The following DNMBP variants were observed in gnomAD, a reference collection of about 807,000 sequenced individuals.
DNMBP encodes the protein dynamin-binding protein.
Under a neutral mutation model 150.0 loss-of-function variants are expected in DNMBP, and 87 were observed. That is an observed-to-expected ratio of 0.58 (90% confidence interval 0.49 to 0.69). The LOEUF (loss-of-function observed/expected upper bound fraction) is 0.69. DNMBP is among the 30% of genes least tolerant of loss of function. The pLI is 0.00. For synonymous variants in DNMBP, 711 were observed against 750.4 expected, an observed-to-expected ratio of 0.95 and a Z score of 0.86; for missense variants, 1,774 against 1,949.0, an observed-to-expected ratio of 0.91 and a Z score of 1.69.
rs574001905 is a variant in DNMBP, at chr10:99,932,564, C to A, written c.2260+22650G>T. Reference sequence around the variant, plus strand: ...TGCATAAAGCACATAGTTCCCCTGGCATTTAGAGACAGCCCAAAAGGAGTC... The same window carrying A: ...TGCATAAAGCACATAGTTCCCCTGGAATTTAGAGACAGCCCAAAAGGAGTC... On this transcript the variant is annotated intron_variant, in intron 4 of 16. Transcript: ENST00000324109. Among the ~76,000 whole-genome samples the A allele has an allele frequency of 1.5e-3, 225 of 151,268 alleles. 1 individual carries two copies. The highest frequency in any genetic ancestry group is 2.8e-3 in the Non-Finnish European group (189 of 67,846).
chr10:99,928,674 G>A (rs1056565948), intron 4 of DNMBP, among the ~76,000 whole-genome samples: 1 of 152,202 alleles, frequency 6.6e-6, no homozygotes, highest in South Asian at 2.1e-4. Context: ...TCAGTGAGAT[G>A]AAGTGATTTG....
At position 99,947,231 on chromosome 10, in the gene DNMBP, G is replaced by C. The variant is rs566633690; in HGVS notation, c.2260+7983C>G. On this transcript the variant is annotated intron_variant, in intron 4 of 16. Transcript: ENST00000324109. Reference sequence around the variant, plus strand: ...CCCAGTATTGGGTATATGCCCAAAGGAAAATTCTTCTACCAAAAACACACC... The same window carrying C: ...CCCAGTATTGGGTATATGCCCAAAGCAAAATTCTTCTACCAAAAACACACC... Among the ~76,000 whole-genome samples, 152 of 152,198 alleles carry C rather than the reference G, an allele frequency of 1.0e-3. 1 individual carries two copies. The highest frequency in any genetic ancestry group is 1.1e-3 in the Non-Finnish European group (73 of 68,004).
intron 9 of DNMBP, 49 bp downstream of exon 9, chr10:99,898,037 A>C: frequency 6.6e-7 from 1 of 1,513,460 alleles, no homozygotes; most frequent in Non-Finnish European, 9.2e-7. Flanking sequence ...TGAGAAGAAA[A>C]GCATTCTCAA....
chr10:99,885,331 A>G (rs1168918035), intron 14 of DNMBP, among the ~76,000 whole-genome samples: 1 of 152,168 alleles, frequency 6.6e-6, no homozygotes. Flanking sequence ...CAACATGGTA[A>G]AACCCCATCT....
At chr10:100,001,102 G>C (rs571016862) in intron 1 of DNMBP, among the ~76,000 whole-genome samples, 1 of 150,200 alleles carries the variant, frequency 6.7e-6, no homozygotes, top group African/African-American at 2.4e-5. Context: ...GTGGTGGTGC[G>C]TGCCTGTAAT....
Position 99,879,881 on chromosome 10 carries a change from C to T in DNMBP, c.4478G>A (p.Cys1493Tyr). The change falls in exon 16 of 17, where the codon TGT becomes TAT. Residue 1493 changes from cysteine (C) to tyrosine (Y), a missense_variant. By Grantham distance (194) the Cys-to-Tyr change is radical. Transcript: ENST00000324109. ...NGQSQDLVKG[C>Y]ARTAQAPEDR... is the part of the protein sequence containing the mutation. ...TTCCGGAGCCTGGGCTGTTCTTGCA[C>T]ATCCTTTGACGAGGTCTTGACTTTG... 2 of 1,614,252 alleles carry T rather than the reference C, an allele frequency of 1.2e-6. No individual in the cohort carries two copies. The highest frequency in any genetic ancestry group is 1.7e-6 in the Non-Finnish European group (2 of 1,180,054).
At chr10:99,910,947 T>G (rs117707626) in intron 4 of DNMBP, among the ~76,000 whole-genome samples, 1,827 of 152,216 alleles carry the variant, frequency 0.012, 12 homozygotes, top group Non-Finnish European at 0.02. Flanking sequence ...AGTCAGCAAA[T>G]CACCATTTTA....
intron 4 of DNMBP, among the ~76,000 whole-genome samples, chr10:99,922,310 A>G (rs2133268108): frequency 6.6e-6 from 1 of 152,196 alleles, no homozygotes; most frequent in Admixed American, 6.5e-5. Context: ...CCTCAGGTCC[A>G]TATGAAAGAA....
chr10:100,001,167 G>A (rs2041006398), intron 1 of DNMBP, among the ~76,000 whole-genome samples: 1 of 138,608 alleles, frequency 7.2e-6, no homozygotes, highest in Admixed American at 7.4e-5. Context: ...GGAGGTGGAG[G>A]TTGCAGTGAG....
intron 1 of DNMBP, among the ~76,000 whole-genome samples, chr10:99,985,964 TG>T (rs780652938): frequency 3.3e-5 from 5 of 152,156 alleles, no homozygotes; most frequent in Non-Finnish European, 5.9e-5. Context: ...TTGGCCAGGC[TG>T]GTCTCAAACT....
In DNMBP at chr10:99,879,913, T is replaced by C; in HGVS notation, c.4446A>G (p.Arg1482=). ...PEIVGYSVPG[R]NGQSQDLVKG... ...TGACGAGGTCTTGACTTTGCCCATT[T>C]CGTCCTGGTACGGAGTAGCCAACTA... is the stretch of plus-strand genomic sequence containing the variant. The change falls in exon 16 of 17, where the codon CGA becomes CGG. Residue 1482 remains arginine, a synonymous_variant. Transcript: ENST00000324109. 6.2e-7 allele frequency: 1 copy of C among 1,614,270 alleles called. No individual in the cohort carries two copies.
intron 1 of DNMBP, among the ~76,000 whole-genome samples, chr10:99,991,345 G>A (rs1217788307): frequency 1.3e-5 from 2 of 151,778 alleles, no homozygotes; most frequent in Admixed American, 6.6e-5. Context: ...CCAAAGTGCT[G>A]GGATTACAGG....
chr10:99,889,124 T>TA (rs1447718499), intron 11 of DNMBP, 171 bp from the exon 12 acceptor site: 1 of 686,634 alleles, frequency 1.5e-6, no homozygotes, highest in Non-Finnish European at 2.3e-6. Context: ...AACTATGACT[T>TA]ACGGGGCACA....
At chr10:99,950,005 T>C (rs914637601) in intron 4 of DNMBP, among the ~76,000 whole-genome samples, 1 of 152,176 alleles carries the variant, frequency 6.6e-6, no homozygotes, top group Non-Finnish European at 1.5e-5. Flanking sequence ...CACCTATATA[T>C]TTGACATGGT....
chr10:99,944,525 G>T (rs564122744), intron 4 of DNMBP, among the ~76,000 whole-genome samples: 3 of 152,180 alleles, frequency 2.0e-5, no homozygotes, highest in Non-Finnish European at 4.4e-5. Context: ...CTTGAGATCT[G>T]AACCTTAACT....
intron 4 of DNMBP, among the ~76,000 whole-genome samples, chr10:99,929,417 A>G (rs117050187): frequency 0.028 from 4,339 of 152,246 alleles, 100 homozygotes; most frequent in Admixed American, 0.04. Flanking sequence ...TTAGCACTGT[A>G]TATATACTCT....
chr10:99,950,591 A>C (rs1326673198), intron 4 of DNMBP, among the ~76,000 whole-genome samples: 2 of 152,230 alleles, frequency 1.3e-5, no homozygotes, highest in South Asian at 2.1e-4. Flanking sequence ...GAAGGAGATG[A>C]GGAACTTGTT....
At chr10:99,935,403 TAG>T in intron 4 of DNMBP, among the ~76,000 whole-genome samples, 1 of 152,254 alleles carries the variant, frequency 6.6e-6, no homozygotes, top group South Asian at 2.1e-4. Flanking sequence ...TTTTACTTTT[TAG>T]AGACAGGGCC....
intron 4 of DNMBP, among the ~76,000 whole-genome samples, chr10:99,935,375 T>G (rs1371922526): frequency 6.6e-6 from 1 of 152,108 alleles, no homozygotes; most frequent in African/African-American, 2.4e-5. Context: ...CTTAGTTTTT[T>G]TTTTCTTATT....
Sources: allele counts gnomAD v4.1 joint callset (sites outside exome capture counted in the v4.1 genomes callset), GRCh38; gene constraint gnomAD v4.1.1; transcripts MANE v1.5; gene names NCBI Gene and HGNC (gene_info 2026-07-23, HGNC 2026-07-21).